DCC: variants seen among roughly 807,000 people sequenced by gnomAD.
The protein encoded by DCC is DCC netrin 1 receptor, also known as netrin receptor DCC.
A neutral mutation model predicts 172.5 loss-of-function variants in DCC; 58 were observed. That is an observed-to-expected ratio of 0.34 (90% CI 0.27 to 0.42). The LOEUF is 0.42. Among genes scored for constraint, DCC ranks in the 10% least tolerant of loss-of-function variants. The pLI is 1.00. For missense variants in DCC, 1,740 were observed against 1,791.0 expected, an observed-to-expected ratio of 0.97 and a Z score of 0.51; for synonymous variants, 709 against 644.5, an observed-to-expected ratio of 1.10 and a Z score of -1.52.
At chr18:52,634,927 G>T (rs960640551) in intron 1 of DCC, among the ~76,000 whole-genome samples, 2 of 152,070 alleles carry the variant, frequency 1.3e-5, no homozygotes, top group African/African-American at 4.8e-5. Flanking sequence ...CAATAATTCA[G>T]TTCTCCACTG....
At chr18:53,090,198 T>C in intron 7 of DCC, among the ~76,000 whole-genome samples, 1 of 152,140 alleles carries the variant, frequency 6.6e-6, no homozygotes, top group East Asian at 1.9e-4. Flanking sequence ...AAGGAAGAAA[T>C]ACAAGAAAAT....
chr18:53,211,133 T>G (rs1292014577), intron 11 of DCC, among the ~76,000 whole-genome samples: 4 of 152,212 alleles, frequency 2.6e-5, no homozygotes, highest in South Asian at 2.1e-4. Flanking sequence ...GGACCTGATT[T>G]CATAGGCAAC....
intron 25 of DCC, among the ~76,000 whole-genome samples, chr18:53,475,654 C>T (rs552640119): frequency 6.6e-6 from 1 of 152,318 alleles, no homozygotes; most frequent in East Asian, 1.9e-4. Context: ...CCTGGATGTC[C>T]AGGCAGAAGT....
intron 7 of DCC, among the ~76,000 whole-genome samples, chr18:53,116,215 G>A (rs1178870886): frequency 6.6e-6 from 1 of 151,686 alleles, no homozygotes; most frequent in African/African-American, 2.4e-5. Flanking sequence ...AAGGCACAAA[G>A]GGATTTCTTG....
chr18:53,190,986 T>G (rs913513971), intron 9 of DCC, among the ~76,000 whole-genome samples: 5 of 152,052 alleles, frequency 3.3e-5, no homozygotes, highest in Admixed American at 3.3e-4. Context: ...TCAGCTTTGG[T>G]GAGATTAAGC....
chr18:52,913,222 T>A (rs1241898436), intron 3 of DCC, among the ~76,000 whole-genome samples: 1 of 152,080 alleles, frequency 6.6e-6, no homozygotes, highest in African/African-American at 2.4e-5. Context: ...ATAACCAAGG[T>A]AACCAGTCTT....
At chr18:52,865,880 C>T (rs530826729) in intron 2 of DCC, among the ~76,000 whole-genome samples, 28 of 152,196 alleles carry the variant, frequency 1.8e-4, no homozygotes, top group South Asian at 6.2e-4. Flanking sequence ...TCTTTTGCTG[C>T]GCAGAAACTA....
chr18:53,349,440 C>A (rs545084863), intron 15 of DCC, among the ~76,000 whole-genome samples: 2 of 152,346 alleles, frequency 1.3e-5, no homozygotes, highest in Admixed American at 6.5e-5. Flanking sequence ...ACTGTTTCAA[C>A]CTCTGCCTGT....
In DCC at chr18:53,027,825, AT is replaced by A. The variant is rs567058002; in HGVS notation, c.986-35470del. Reference sequence around the variant, plus strand: ...GTTTTGACGCACGTCAAGAGCAGTTATTTTTTTTTTCTGTTCTAATCTCTGA... The same window carrying A: ...GTTTTGACGCACGTCAAGAGCAGTTATTTTTTTTTCTGTTCTAATCTCTGA... On this transcript the variant is annotated intron_variant, in intron 5 of 28. Coordinates refer to ENST00000442544, the MANE Select transcript of DCC (RefSeq NM_005215.4). Among the ~76,000 whole-genome samples, 717 of 149,470 alleles carry A rather than the reference AT, an allele frequency of 4.8e-3. 4 individuals carry two copies. The highest frequency in any genetic ancestry group is 0.016 in the African/African-American group (665 of 40,774).
intron 1 of DCC, among the ~76,000 whole-genome samples, chr18:52,559,918 G>C (rs575755832): frequency 2.6e-5 from 4 of 152,286 alleles, no homozygotes; most frequent in Admixed American, 2.6e-4. Context: ...TTTCCTCGGA[G>C]TTAATATTTC....
At chr18:53,440,426 A>C (rs1217282611) in intron 22 of DCC, among the ~76,000 whole-genome samples, 1 of 152,118 alleles carries the variant, frequency 6.6e-6, no homozygotes, top group Non-Finnish European at 1.5e-5. Flanking sequence ...ATTTTTAAAT[A>C]CTCAGAATCA....
intron 1 of DCC, among the ~76,000 whole-genome samples, chr18:52,370,119 C>T (rs750404661): frequency 6.6e-6 from 1 of 152,114 alleles, no homozygotes; most frequent in Non-Finnish European, 1.5e-5. Context: ...TTTTAATAAT[C>T]ACCATTCTGA....
intron 2 of DCC, among the ~76,000 whole-genome samples, chr18:52,877,104 T>C (rs1026424867): frequency 6.6e-6 from 1 of 152,234 alleles, no homozygotes; most frequent in Non-Finnish European, 1.5e-5. Context: ...ACTGTAATCG[T>C]ACCCTGGAAA....
At chr18:53,051,759 T>C (rs1222737657) in intron 5 of DCC, among the ~76,000 whole-genome samples, 3 of 152,106 alleles carry the variant, frequency 2.0e-5, no homozygotes, top group African/African-American at 7.2e-5. Flanking sequence ...AATAATTTAC[T>C]CTTCATCTTA....
At chr18:53,388,131 A>G (rs1420328018) in intron 16 of DCC, among the ~76,000 whole-genome samples, 1 of 152,192 alleles carries the variant, frequency 6.6e-6, no homozygotes, top group Non-Finnish European at 1.5e-5. Flanking sequence ...AATAATACTA[A>G]AAGTTGGAAT....
At chr18:52,608,545 A>G (rs995723455) in intron 1 of DCC, among the ~76,000 whole-genome samples, 1 of 152,224 alleles carries the variant, frequency 6.6e-6, no homozygotes, top group Non-Finnish European at 1.5e-5. Context: ...GTAAAGATAT[A>G]GTAGTGTGAA....
chr18:53,047,263 T>G lies in DCC; in HGVS notation c.986-16042T>G, dbSNP rs575472204. On this transcript the variant is annotated intron_variant, in intron 5 of 28. Transcript: ENST00000442544. ...ATATATATATATATATATATATATA[T>G]ATATATATATATATATATATATATA... Among the ~76,000 whole-genome samples the G allele has an allele frequency of 3.6e-4, 5 of 13,870 alleles. 1 individual carries two copies. The highest frequency in any genetic ancestry group is 1.4e-3 in the African/African-American group (2 of 1,478). 9.1% of individuals were successfully genotyped at this position (13,870 alleles called of 152,430 possible). A position where few individuals can be genotyped will look rare whatever the true frequency, so the allele number is the denominator to read the frequency against.
intron 1 of DCC, among the ~76,000 whole-genome samples, chr18:52,659,062 C>T (rs906340291): frequency 6.6e-6 from 1 of 152,086 alleles, no homozygotes; most frequent in Non-Finnish European, 1.5e-5. Flanking sequence ...TGGCAACCAT[C>T]CACTTTTGAT....
intron 9 of DCC, among the ~76,000 whole-genome samples, chr18:53,190,685 G>C (rs1401138569): frequency 6.6e-6 from 1 of 152,144 alleles, no homozygotes; most frequent in East Asian, 1.9e-4. Context: ...AGTGGTTCAC[G>C]CCTGTAATCC....
Sources: gnomAD v4.1 joint callset for allele counts (sites outside exome capture counted in the v4.1 genomes callset) on GRCh38, gnomAD v4.1.1 for gene constraint, MANE v1.5 for transcripts, NCBI Gene and HGNC (gene_info 2026-07-23, HGNC 2026-07-21) for gene names.